The following POU6F2 variants were observed in gnomAD, a reference collection of about 807,000 sequenced individuals.
POU6F2 encodes the protein POU class 6 homeobox 2.
A neutral mutation model predicts 71.3 loss-of-function variants in POU6F2; 31 were observed. That is an observed-to-expected ratio of 0.43 (90% CI 0.33 to 0.59). The LOEUF is 0.59. POU6F2 is among the 20% of genes least tolerant of loss of function. The pLI is 0.04. For missense variants in POU6F2, 783 were observed against 856.8 expected (o/e 0.91, Z 1.07); for synonymous variants, 347 against 355.7 (o/e 0.98, Z 0.27).
chr7:39,382,454 C>G (rs911552647), intron 5 of POU6F2, among the ~76,000 whole-genome samples: 1 of 152,116 alleles, frequency 6.6e-6, no homozygotes, highest in African/African-American at 2.4e-5. Flanking sequence ...GCGAGTGGAC[C>G]AGGGTGAGGC....
chr7:39,124,886 C>G (rs959915477), intron 2 of POU6F2, among the ~76,000 whole-genome samples: 2 of 151,972 alleles, frequency 1.3e-5, no homozygotes, highest in Non-Finnish European at 2.9e-5. Context: ...TCTCTTCTTC[C>G]GTTCTTTATA....
rs548006782 is a variant in POU6F2 at position 39,003,835 on chromosome 7, G to T, written c.105+25777G>T. Among the ~76,000 whole-genome samples the T allele has an allele frequency of 2.5e-3, 382 of 151,918 alleles. 1 individual carries two copies. The highest frequency in any genetic ancestry group is 4.3e-3 in the Non-Finnish European group (295 of 67,994). ...ATTGTTTTCAAAGAAATTGACCTGG[G>T]TATATGCTTATGATATAATGTGTAA... is the stretch of plus-strand genomic sequence containing the variant. On this transcript the variant is annotated intron_variant, in intron 1 of 9. Transcript: ENST00000518318.
chr7:39,352,596 G>A (rs1786159788), intron 5 of POU6F2, among the ~76,000 whole-genome samples: 1 of 152,176 alleles, frequency 6.6e-6, no homozygotes, highest in Admixed American at 6.5e-5. Context: ...CAGGGGTGCA[G>A]GAGAACTGTG....
chr7:39,347,096 A>G (rs1054377236), intron 5 of POU6F2, among the ~76,000 whole-genome samples: 1 of 152,204 alleles, frequency 6.6e-6, no homozygotes, highest in Non-Finnish European at 1.5e-5. Flanking sequence ...CTCACTGGTC[A>G]GACAGTTGGT....
chr7:39,106,057 C>A (rs1389749539), intron 2 of POU6F2, among the ~76,000 whole-genome samples: 1 of 152,198 alleles, frequency 6.6e-6, no homozygotes, highest in East Asian at 1.9e-4. Context: ...CAGAACTTTT[C>A]ACAAAAGCTC....
intron 6 of POU6F2, among the ~76,000 whole-genome samples, chr7:39,422,712 A>G (rs1057482379): frequency 5.3e-5 from 8 of 152,214 alleles, no homozygotes; most frequent in Non-Finnish European, 1.0e-4. Context: ...TCTACTCTCC[A>G]GTGGGAAATC....
At chr7:39,397,814 G>GGATATATATATATATATATATATATA (rs1787206499) in intron 5 of POU6F2, among the ~76,000 whole-genome samples, 1 of 128,448 alleles carries the variant, frequency 7.8e-6, no homozygotes. Context: ...TATATTTTGT[G>GGATATATATATATATATATATATATA]TATATATATA....
At chr7:39,285,536 G>A (rs1784636187) in intron 4 of POU6F2, among the ~76,000 whole-genome samples, 1 of 152,098 alleles carries the variant, frequency 6.6e-6, no homozygotes, top group Admixed American at 6.5e-5. Context: ...AAACATATTT[G>A]TACTGGATCC....
At chr7:39,397,323 AT>A (rs1554349907) in intron 5 of POU6F2, among the ~76,000 whole-genome samples, 2 of 13,452 alleles carry the variant, frequency 1.5e-4, no homozygotes, top group Admixed American at 1.5e-3. Context: ...AAGTATATAT[AT>A]TATATATATA....
chr7:39,441,725 T>C (rs1788410522), intron 7 of POU6F2, among the ~76,000 whole-genome samples: 1 of 152,222 alleles, frequency 6.6e-6, no homozygotes, highest in Non-Finnish European at 1.5e-5. Flanking sequence ...AAAGTCTGGA[T>C]TGTCCCTGTT....
intron 2 of POU6F2, among the ~76,000 whole-genome samples, chr7:39,182,194 T>G (rs78079625): frequency 0.068 from 10,424 of 152,320 alleles, 490 homozygotes; most frequent in Non-Finnish European, 0.1. Context: ...ACATTTATCC[T>G]TAATATGTGC....
chr7:39,424,707 G>T (rs555034272), intron 6 of POU6F2, among the ~76,000 whole-genome samples: 2 of 151,888 alleles, frequency 1.3e-5, no homozygotes, highest in African/African-American at 4.8e-5. Context: ...CCTAAAGCTC[G>T]AGTGGAAACC....
At chr7:39,212,808 T>A (rs933111408) in intron 4 of POU6F2, among the ~76,000 whole-genome samples, 1 of 152,234 alleles carries the variant, frequency 6.6e-6, no homozygotes, top group Non-Finnish European at 1.5e-5. Context: ...AGATGTGCAG[T>A]CCTAGGGTAA....
At chr7:39,410,205 G>A (rs1346284387) in intron 6 of POU6F2, among the ~76,000 whole-genome samples, 1 of 151,896 alleles carries the variant, frequency 6.6e-6, no homozygotes, top group Non-Finnish European at 1.5e-5. Context: ...GCTGGGTCTG[G>A]TGGCAGGCAC....
chr7:39,461,910 G>A (rs992634062), intron 9 of POU6F2, among the ~76,000 whole-genome samples: 1 of 152,202 alleles, frequency 6.6e-6, no homozygotes, highest in African/African-American at 2.4e-5. Context: ...AACATGTACA[G>A]AAGTGTCAAC....
chr7:39,142,630 T>C (rs1401769657), intron 2 of POU6F2, among the ~76,000 whole-genome samples: 1 of 152,214 alleles, frequency 6.6e-6, no homozygotes, highest in Non-Finnish European at 1.5e-5. Flanking sequence ...TTATTGATAT[T>C]TTTTTGTTGA....
At chr7:39,429,612 C>T (rs756054306) in intron 6 of POU6F2, among the ~76,000 whole-genome samples, 1 of 152,134 alleles carries the variant, frequency 6.6e-6, no homozygotes, top group East Asian at 1.9e-4. Flanking sequence ...CAGGAATCCT[C>T]GGCATTTCAG....
intron 1 of POU6F2, among the ~76,000 whole-genome samples, chr7:39,047,323 A>C (rs550748345): frequency 6.6e-6 from 1 of 151,902 alleles, no homozygotes; most frequent in South Asian, 2.1e-4. Context: ...TTTTAACACT[A>C]TTAGGTTTTC....
intron 2 of POU6F2, among the ~76,000 whole-genome samples, chr7:39,131,326 A>G (rs983516209): frequency 3.3e-5 from 5 of 152,178 alleles, no homozygotes; most frequent in Non-Finnish European, 5.9e-5. Context: ...GATTTTTTAC[A>G]TTACCATTGC....
Sources: gnomAD v4.1 joint callset for allele counts (sites outside exome capture counted in the v4.1 genomes callset) on GRCh38, gnomAD v4.1.1 for gene constraint, MANE v1.5 for transcripts, NCBI Gene and HGNC (gene_info 2026-07-23, HGNC 2026-07-21) for gene names.